Variants in RASSF7 observed in about 807,000 individuals in gnomAD.
The protein encoded by RASSF7 is ras association domain-containing protein 7.
In RASSF7, 41 loss-of-function variants were observed where a neutral mutation model predicts 33.8. That is an observed-to-expected ratio of 1.21 (90% CI 0.95 to 1.57). The LOEUF (loss-of-function observed/expected upper bound fraction) is 1.57, where lower values mean the gene tolerates loss of function less well. RASSF7 is among the 40% of genes most tolerant of loss of function. RASSF7 has a pLI of 0.00. For missense variants in RASSF7, 622 were observed against 497.0 expected (o/e 1.25, Z -2.39); for synonymous variants, 298 against 212.8 (o/e 1.40, Z -3.48).
At position 563,487 on chromosome 11, in the gene RASSF7, G is replaced by A; in HGVS notation, c.1034+9G>A. On this transcript the variant is annotated intron_variant, in intron 5 of 5. Coordinates refer to ENST00000397583, the MANE Select transcript of RASSF7 (RefSeq NM_003475.4). The stretch of plus-strand genomic sequence containing the variant: ...CAGCCTAGGCCCCGAGGGTATGTCT[G>A]TGCCCCACCTCCCCCTGGGGCACCG... 2 of 1,610,018 alleles carry A rather than the reference G, an allele frequency of 1.2e-6. No individual in the cohort carries two copies. Among genetic ancestry groups the A allele is most frequent in the Non-Finnish European group, 1.7e-6 (2 of 1,179,042 alleles).
chr11:560,998 G>C lies in RASSF7; in HGVS notation c.-487G>C. On this transcript the variant is annotated 5_prime_UTR_variant, in exon 1 of 6. Transcript: ENST00000397583. ...GCGCTGGGGGCGGCAGGTTGCGGCGGCGCCGGAGCGGGTCTCCAGGCTGGC... is the reference window on the plus strand; with the variant it reads ...GCGCTGGGGGCGGCAGGTTGCGGCGCCGCCGGAGCGGGTCTCCAGGCTGGC... 1 of 1,043,042 alleles carries C rather than the reference G, an allele frequency of 9.6e-7. No homozygotes were observed. The highest frequency in any genetic ancestry group is 4.5e-5 in the South Asian group (1 of 22,026). The allele number at this position is 1,043,042 out of a possible 1,614,324, so 64.6% of individuals were successfully genotyped here. A position where few individuals can be genotyped will look rare whatever the true frequency, so the allele number is the denominator to read the frequency against.
In RASSF7 at chr11:562,646, C is replaced by T. The variant is rs761646579; in HGVS notation, c.692C>T (p.Pro231Leu). ...CTGGCAGCGGAGGCCCCTGGGCCCC[C>T]CTCACCTATGGCATCTGCCACTGAG... ...LQLAAEAPGP[P>L]SPMASATERL... Residue 231 changes from proline to leucine, a missense_variant, in exon 3 of 6, where the codon CCC becomes CTC. Physicochemically the swap from Pro to Leu is moderately conservative, Grantham distance 98. Transcript: ENST00000397583. The T allele has an allele frequency of 3.1e-5, 48 of 1,543,776 alleles. No individual in the cohort carries two copies. Among genetic ancestry groups the T allele is most frequent in the South Asian group, 2.9e-4 (24 of 83,962 alleles).
Position 562,641 on chromosome 11 carries a change from GC to G in RASSF7, c.693del (p.Ser232HisfsTer31). 1 of 1,543,590 alleles carries G rather than the reference GC, an allele frequency of 6.5e-7. No homozygotes were observed. ...ELQLAAEAPG[P>X]PSPMASATER... ...TGCAGCTGGCAGCGGAGGCCCCTGG[GC>G]CCCCCTCACCTATGGCATCTGCCAC... On this transcript the variant is annotated frameshift_variant, in exon 3 of 6. Coordinates refer to ENST00000397583, the MANE Select transcript of RASSF7 (RefSeq NM_003475.4). LOFTEE classifies it high-confidence loss of function.
rs752430298 is a variant in RASSF7, at chr11:563,296, C to T, written c.930C>T (p.Asp310=). The T allele has an allele frequency of 5.0e-6, 8 of 1,610,074 alleles. No individual in the cohort carries two copies. In the African/African-American group the frequency reaches 6.7e-5, roughly 13 times the overall value. ...GAALPPPPRP[D]RGPPGTQGPL... ...CGCTGCCACCGCCCCCACGGCCTGA[C>T]AGGGGCCCTCCTGGCACTCAGGTCG... Residue 310 remains aspartate (D), a synonymous_variant, in exon 4 of 6, where the codon GAC becomes GAT. Coordinates refer to ENST00000397583, the MANE Select transcript of RASSF7 (RefSeq NM_003475.4).
Position 562,147 on chromosome 11 carries a change from T to G in RASSF7, c.193T>G (p.Cys65Gly). The change falls in exon 3 of 6, where the codon TGT becomes GGT. Residue 65 changes from cysteine to glycine, a missense_variant. Coordinates refer to ENST00000397583, the MANE Select transcript of RASSF7 (RefSeq NM_003475.4). The stretch of plus-strand genomic sequence containing the variant: ...GGAGCGGCAGTTGCTGCCACAAGAG[T>G]GTCCAGTGGGCGCCCAGGCCACCTG... ...EKERQLLPQE[C>G]PVGAQATCGQ... 2 of 1,555,974 alleles carry G rather than the reference T, an allele frequency of 1.3e-6. No homozygotes were observed. The highest frequency in any genetic ancestry group is 2.7e-5 in the African/African-American group (2 of 73,446).
rs1455919815 is a variant in RASSF7, at chr11:563,309, G to A, written c.943G>A (p.Gly315Ser). The change falls in exon 4 of 6, where the codon GGC becomes AGC. Residue 315 changes from glycine (G) to serine (S), a missense_variant. Gly to Ser is a moderately conservative substitution (Grantham distance 56). Transcript: ENST00000397583. ...PPPRPDRGPP[G>S]TQGPLPPARE... ...CCCACGGCCTGACAGGGGCCCTCCTGGCACTCAGGTCGGAGTGGTTCTGGG... is the reference window on the plus strand; with the variant it reads ...CCCACGGCCTGACAGGGGCCCTCCTAGCACTCAGGTCGGAGTGGTTCTGGG... The A allele has an allele frequency of 8.1e-6, 13 of 1,609,434 alleles. No individual in the cohort carries two copies. The highest frequency in any genetic ancestry group is 1.1e-5 in the Non-Finnish European group (13 of 1,178,456).
chr11:561,668 C>G, intron 1 of RASSF7, 94 bp from the exon 2 acceptor site: 2 of 1,555,550 alleles, frequency 1.3e-6, no homozygotes, highest in Non-Finnish European at 8.7e-7. Flanking sequence ...GCAGCCCAGC[C>G]GTTTCTAGGG....
intron 1 of RASSF7, 43 bp from the exon 2 acceptor site, chr11:561,719 G>C (rs372783812): frequency 7.8e-5 from 125 of 1,610,978 alleles, no homozygotes; most frequent in Non-Finnish European, 1.0e-4. Context: ...GCCTGCGATA[G>C]GAGTAGGCAG....
Position 563,585 on chromosome 11 carries a change from G to C in RASSF7, c.1062G>C (p.Glu354Asp). 1.2e-6 allele frequency: 2 copies of C among 1,612,170 alleles called. No homozygotes were observed. Among genetic ancestry groups the C allele is most frequent in the Non-Finnish European group, 1.7e-6 (2 of 1,179,904 alleles). The change falls in exon 6 of 6, where the codon GAG becomes GAC. Residue 354 changes from glutamate (E) to aspartate (D), a missense_variant. By Grantham distance (45) the Glu-to-Asp change is conservative (BLOSUM62 2). Coordinates refer to ENST00000397583, the MANE Select transcript of RASSF7 (RefSeq NM_003475.4). ...GCCCCCATGACGCAGAACTCCTGGA[G>C]GTAGCAGCAGCTCCTGCCCCAGAGT... Reference protein sequence around the residue: ...RGGPHDAELLEVAAAPAPEWC... With the variant: ...RGGPHDAELLDVAAAPAPEWC...
Position 563,839 on chromosome 11 carries a change from C to T in RASSF7, c.*194C>T, listed in dbSNP as rs2134124866. The stretch of plus-strand genomic sequence containing the variant: ...AGCATGGGGCGTAGCCAGCTCGGAA[C>T]TTGCCAGGCCCCAAAGGCCACGACT... On this transcript the variant is annotated 3_prime_UTR_variant, in exon 6 of 6. Coordinates refer to ENST00000397583, the MANE Select transcript of RASSF7 (RefSeq NM_003475.4). The T allele has an allele frequency of 1.2e-5, 7 of 606,080 alleles. No homozygotes were observed. 37.5% of individuals were successfully genotyped at this position (606,080 alleles called of 1,614,324 possible).
chr11:562,319 G>A lies in RASSF7; in HGVS notation c.365G>A (p.Cys122Tyr). 6.2e-7 allele frequency: 1 copy of A among 1,611,288 alleles called. No individual in the cohort carries two copies. Among genetic ancestry groups the A allele is most frequent in the Non-Finnish European group, 8.5e-7 (1 of 1,179,608 alleles). ...GTAAAGCCACGGGCTGCGCTGGGCT[G>A]TGAGCCCCGCAAAACACTGACCCCC... ...LPVKPRAALG[C>Y]EPRKTLTPEP... The change falls in exon 3 of 6, where the codon TGT becomes TAT. Residue 122 changes from cysteine to tyrosine, a missense_variant. Cys to Tyr is a radical substitution (Grantham distance 194). Coordinates refer to ENST00000397583, the MANE Select transcript of RASSF7 (RefSeq NM_003475.4).
Position 563,847 on chromosome 11 carries a change from G to A in RASSF7, c.*202G>A. The A allele has an allele frequency of 5.0e-6, 3 of 598,088 alleles. No individual in the cohort carries two copies. In the South Asian group the frequency reaches 6.1e-5, roughly 12 times the overall value. The allele number at this position is 598,088 out of a possible 1,614,324, so 37.0% of individuals were successfully genotyped here. On this transcript the variant is annotated 3_prime_UTR_variant, in exon 6 of 6. Coordinates refer to ENST00000397583, the MANE Select transcript of RASSF7 (RefSeq NM_003475.4). ...GCGTAGCCAGCTCGGAACTTGCCAGGCCCCAAAGGCCACGACTGCCTGTTG... is the reference window on the plus strand; with the variant it reads ...GCGTAGCCAGCTCGGAACTTGCCAGACCCCAAAGGCCACGACTGCCTGTTG...
rs1221587180 is a variant in RASSF7 at position 561,140 on chromosome 11, C to T, written c.-345C>T. 2.0e-6 allele frequency: 2 copies of T among 984,882 alleles called. No individual in the cohort carries two copies. Among genetic ancestry groups the T allele is most frequent in the Non-Finnish European group, 2.4e-6 (2 of 829,778 alleles). The allele number at this position is 984,882 out of a possible 1,614,324, so 61.0% of individuals were successfully genotyped here. The stretch of plus-strand genomic sequence containing the variant: ...TTTTCCGCGATGCCCGGACGGAGAG[C>T]GGGGGCGGCGCCGCACCTGCGCCCG... On this transcript the variant is annotated 5_prime_UTR_variant, in exon 1 of 6. Coordinates refer to ENST00000397583, the MANE Select transcript of RASSF7 (RefSeq NM_003475.4).
In RASSF7 at chr11:563,818, TG is replaced by T; in HGVS notation, c.*177del. 1 of 644,990 alleles carries T rather than the reference TG, an allele frequency of 1.6e-6. No individual in the cohort carries two copies. The highest frequency in any genetic ancestry group is 2.6e-6 in the Non-Finnish European group (1 of 378,120). 40.0% of individuals were successfully genotyped at this position (644,990 alleles called of 1,614,324 possible). A position where few individuals can be genotyped will look rare whatever the true frequency, so the allele number is the denominator to read the frequency against. On this transcript the variant is annotated 3_prime_UTR_variant, in exon 6 of 6. Transcript: ENST00000397583. ...AGGTCGCCAGCACCCTGGAGAAGCA[TG>T]GGGCGTAGCCAGCTCGGAACTTGCC...
rs2134124674 is a variant in RASSF7 at position 563,712 on chromosome 11, G to A, written c.*67G>A. ...GAAGGAGAGTTGGCGGTCACAGAGGGCTCCTCTGCCAGGCAGTGGGAAGCC... is the reference window on the plus strand; with the variant it reads ...GAAGGAGAGTTGGCGGTCACAGAGGACTCCTCTGCCAGGCAGTGGGAAGCC... On this transcript the variant is annotated 3_prime_UTR_variant, in exon 6 of 6. Transcript: ENST00000397583. The A allele has an allele frequency of 7.0e-7, 1 of 1,424,152 alleles. No homozygotes were observed. The highest frequency in any genetic ancestry group is 1.2e-5 in the South Asian group (1 of 81,108). 88.2% of individuals were successfully genotyped at this position (1,424,152 alleles called of 1,614,324 possible).
Position 563,630 on chromosome 11 carries a change from GC to G in RASSF7, c.1111del (p.Gln371ArgfsTer50). 4 of 1,610,616 alleles carry G rather than the reference GC, an allele frequency of 2.5e-6. No individual in the cohort carries two copies. Among genetic ancestry groups the G allele is most frequent in the Admixed American group, 1.7e-5 (1 of 59,964 alleles). On this transcript the variant is annotated frameshift_variant, in exon 6 of 6. Transcript: ENST00000397583. LOFTEE classifies it high-confidence loss of function. ...APEWCPLAAQ[P>X]QAL ...CAGAGTGGTGTCCTCTGGCAGCCCA[GC>G]CCCAGGCTCTGTGACAGCCTAGTGA...
Position 561,020 on chromosome 11 carries a change from T to A in RASSF7, c.-465T>A. Reference sequence around the variant, plus strand: ...GCGGCGCCGGAGCGGGTCTCCAGGCTGGCGAGCGCCCAGGTGAGCCGCGCC... The same window carrying A: ...GCGGCGCCGGAGCGGGTCTCCAGGCAGGCGAGCGCCCAGGTGAGCCGCGCC... On this transcript the variant is annotated 5_prime_UTR_variant, in exon 1 of 6. Coordinates refer to ENST00000397583, the MANE Select transcript of RASSF7 (RefSeq NM_003475.4). The A allele has an allele frequency of 9.9e-7, 1 of 1,011,780 alleles. No individual in the cohort carries two copies. The highest frequency in any genetic ancestry group is 1.2e-6 in the Non-Finnish European group (1 of 848,130). The allele number at this position is 1,011,780 out of a possible 1,614,324, so 62.7% of individuals were successfully genotyped here.
chr11:562,434 CAG>C lies in RASSF7; in HGVS notation c.481_482del (p.Arg161GlyfsTer6). The C allele has an allele frequency of 6.4e-7, 1 of 1,552,900 alleles. No homozygotes were observed. The highest frequency in any genetic ancestry group is 1.7e-4 in the Middle Eastern group (1 of 5,932). ...CCTDLRGLEL[R>X]VQRNAEELGH... ...GCACAGACCTGCGGGGCCTGGAGCT[CAG>C]GGTGCAGAGGAATGCTGAGGAGCTG... On this transcript the variant is annotated frameshift_variant, in exon 3 of 6. Coordinates refer to ENST00000397583, the MANE Select transcript of RASSF7 (RefSeq NM_003475.4). LOFTEE classifies it high-confidence loss of function.
rs1425409126 is a variant in RASSF7 at position 563,828 on chromosome 11, C to T, written c.*183C>T. 12 of 625,292 alleles carry T rather than the reference C, an allele frequency of 1.9e-5. No homozygotes were observed. The highest frequency in any genetic ancestry group is 1.2e-4 in the Admixed American group (4 of 33,530). The allele number at this position is 625,292 out of a possible 1,614,324, so 38.7% of individuals were successfully genotyped here. Reference sequence around the variant, plus strand: ...CACCCTGGAGAAGCATGGGGCGTAGCCAGCTCGGAACTTGCCAGGCCCCAA... The same window carrying T: ...CACCCTGGAGAAGCATGGGGCGTAGTCAGCTCGGAACTTGCCAGGCCCCAA... On this transcript the variant is annotated 3_prime_UTR_variant, in exon 6 of 6. Transcript: ENST00000397583.
Sources: gnomAD v4.1 joint callset for allele counts on GRCh38, gnomAD v4.1.1 for gene constraint, MANE v1.5 for transcripts, NCBI Gene and HGNC (gene_info 2026-07-23, HGNC 2026-07-21) for gene names.